AP1M1: variants seen among roughly 807,000 people sequenced by gnomAD.
AP1M1 encodes the protein AP-1 complex subunit mu-1.
A neutral mutation model predicts 57.1 loss-of-function variants in AP1M1; 18 were observed. The observed-to-expected ratio is 0.32, with a 90% CI of 0.22 to 0.47. AP1M1 has a LOEUF of 0.47. Ranked by LOEUF, AP1M1 falls within the 20% of genes least tolerant of loss-of-function variation. The pLI is 1.00. For synonymous variants in AP1M1, 241 were observed against 237.9 expected (o/e 1.01, Z -0.12); for missense variants, 362 against 593.5 (o/e 0.61, Z 4.05).
Position 16,228,105 on chromosome 19 carries a change from G to C in AP1M1, c.817-32G>C. 1 of 1,610,852 alleles carries C rather than the reference G, an allele frequency of 6.2e-7. No homozygotes were observed. Among genetic ancestry groups the C allele is most frequent in the Non-Finnish European group, 8.5e-7 (1 of 1,178,090 alleles). On this transcript the variant is annotated intron_variant, in intron 7 of 11. Transcript: ENST00000291439. The surrounding 1 kb of genome is among the most constrained non-coding windows in gnomAD (Gnocchi z 5.0). ...AATGGGCCTTTGTCAAACAAGGCCA[G>C]GTGTGAGCACCCTCTTTGCCCTCCT...
At position 16,233,610 on chromosome 19, in the gene AP1M1, G is replaced by A. The variant is rs950393126; in HGVS notation, c.1165G>A (p.Gly389Ser). 5 of 1,610,944 alleles carry A rather than the reference G, an allele frequency of 3.1e-6. No homozygotes were observed. The highest frequency in any genetic ancestry group is 2.2e-5 in the South Asian group (2 of 90,404). ...KFEIPYFTTS[G>S]IQVRYLKIIE... ...CGAGATCCCTTACTTCACTACCTCC[G>A]GCATCCAGGTACGTAAGGCCCAGGC... Residue 389 changes from glycine to serine, a missense_variant, in exon 10 of 12, where the codon GGC (glycine) becomes AGC (serine). By Grantham distance (56) the Gly-to-Ser change is moderately conservative. Around this residue, in one of 2 missense-constraint regions of AP1M1, gnomAD observed 25 missense variants for 82.4 expected, o/e 0.30. Transcript: ENST00000291439.
rs2091657270 is a variant in AP1M1, at chr19:16,244,817, A to G, written c.*10382A>G. The G allele has an allele frequency of 6.6e-6, 1 of 151,776 alleles. No homozygotes were observed. Among genetic ancestry groups the G allele is most frequent in the Non-Finnish European group, 1.5e-5 (1 of 68,014 alleles). 9.4% of individuals were successfully genotyped at this position (151,776 alleles called of 1,614,324 possible). ...TGCAGTCCGCAGTCCGGCCTGGGCG[A>G]CAGAGCGAGACTCCGTCTCAAAATA... On this transcript the variant is annotated 3_prime_UTR_variant, in exon 12 of 12. Coordinates refer to ENST00000291439, the MANE Select transcript of AP1M1 (RefSeq NM_032493.4).
chr19:16,208,690 C>T (rs781299292), intron 4 of AP1M1, among the ~76,000 whole-genome samples: 2 of 152,182 alleles, frequency 1.3e-5, no homozygotes, highest in Non-Finnish European at 2.9e-5. Flanking sequence ...CACTCCGAGG[C>T]GTCAGTTCCA....
rs1467424046 is a variant in AP1M1, at chr19:16,197,988, C to G, written c.-39C>G. On this transcript the variant is annotated 5_prime_UTR_variant, in exon 1 of 12. Coordinates refer to ENST00000291439, the MANE Select transcript of AP1M1 (RefSeq NM_032493.4). ...CAGTCCCCACCGTCGCTGCCGCCGC[C>G]ACCGCCCTCGGCCGCTGCCGAGGCC... 9 of 1,545,406 alleles carry G rather than the reference C, an allele frequency of 5.8e-6. No homozygotes were observed. Among genetic ancestry groups the G allele is most frequent in the Non-Finnish European group, 7.8e-6 (9 of 1,148,730 alleles).
intron 5 of AP1M1, 53 bp downstream of exon 5, chr19:16,209,230 A>C (rs947580384): frequency 1.3e-6 from 2 of 1,589,592 alleles, no homozygotes. Flanking sequence ...TCCACGATAG[A>C]AATAAACACA....
In AP1M1 at chr19:16,215,205, GGGGGGGAGA is replaced by G. The variant is rs1568351028; in HGVS notation, c.546+6037_546+6045del. ...TTGGGAGGCTAAGGCGGGGGCGGGG[GGGGGGGAGA>G]GGGGGGAGGGGGGAGGGGAGGGGAT... On this transcript the variant is annotated intron_variant, in intron 5 of 11. Transcript: ENST00000291439. Among the ~76,000 whole-genome samples the G allele has an allele frequency of 2.1e-4, 10 of 46,776 alleles. 1 individual carries two copies. In the East Asian group the frequency reaches 3.2e-3, roughly 15 times the overall value. 30.7% of individuals were successfully genotyped at this position (46,776 alleles called of 152,430 possible).
intron 5 of AP1M1, among the ~76,000 whole-genome samples, chr19:16,219,089 TG>T (rs2091531261): frequency 6.7e-6 from 1 of 149,662 alleles, no homozygotes; most frequent in Non-Finnish European, 1.5e-5. Flanking sequence ...TAATCATGCG[TG>T]GGTGTTGTAT....
chr19:16,208,146 A>G lies in AP1M1; in HGVS notation c.395A>G (p.Gln132Arg), dbSNP rs769470393. ...CAGACCACCGACAGCAAGATCCTGC[A>G]GGAGTGAGTGGGCAGGGGTGGGGCC... ...YPQTTDSKIL[Q>R]EYITQEGHKL... The change falls in exon 4 of 12, where the codon CAG becomes CGG. Residue 132 changes from glutamine to arginine, a missense_variant. Physicochemically the swap from Gln to Arg is conservative, Grantham distance 43 (BLOSUM62 1). Around this residue, in one of 2 missense-constraint regions of AP1M1, gnomAD observed 337 missense variants for 511.1 expected, o/e 0.66. Coordinates refer to ENST00000291439, the MANE Select transcript of AP1M1 (RefSeq NM_032493.4). 36 of 1,612,260 alleles carry G rather than the reference A, an allele frequency of 2.2e-5. No homozygotes were observed. The highest frequency in any genetic ancestry group is 1.6e-4 in the Middle Eastern group (1 of 6,072).
At chr19:16,199,362 T>C (rs2091437986) in intron 1 of AP1M1, among the ~76,000 whole-genome samples, 1 of 152,166 alleles carries the variant, frequency 6.6e-6, no homozygotes, top group African/African-American at 2.4e-5. Context: ...AAGAAGGGAT[T>C]GTCCCCACCT....
chr19:16,220,131 T>C (rs2091537270), intron 5 of AP1M1, among the ~76,000 whole-genome samples: 1 of 152,200 alleles, frequency 6.6e-6, no homozygotes, highest in South Asian at 2.1e-4. Context: ...TCTTTAAACA[T>C]TTGTTAGAAT....
At chr19:16,212,135 CCCT>C (rs1207331240) in intron 5 of AP1M1, among the ~76,000 whole-genome samples, 3 of 152,092 alleles carry the variant, frequency 2.0e-5, no homozygotes, top group Non-Finnish European at 4.4e-5. Flanking sequence ...GGGGAGGAGT[CCCT>C]CCTCCTCCGT....
chr19:16,198,899 C>G (rs2091436154), intron 1 of AP1M1, among the ~76,000 whole-genome samples: 1 of 152,120 alleles, frequency 6.6e-6, no homozygotes, highest in South Asian at 2.1e-4. Context: ...CCTCCGCCTC[C>G]CGGGTTCAAG....
Position 16,234,687 on chromosome 19 carries a change from G to C in AP1M1, c.*252G>C, listed in dbSNP as rs1319374667. The C allele has an allele frequency of 3.4e-6, 2 of 589,186 alleles. No individual in the cohort carries two copies. The highest frequency in any genetic ancestry group is 3.7e-5 in the African/African-American group (2 of 53,690). 36.5% of individuals were successfully genotyped at this position (589,186 alleles called of 1,614,324 possible). A position where few individuals can be genotyped will look rare whatever the true frequency, so the allele number is the denominator to read the frequency against. ...CCCCTGAAGTCAGTTTCAGGGGAAG[G>C]ATGTGAAATTTTTCCGTGTAGAGGT... On this transcript the variant is annotated 3_prime_UTR_variant, in exon 12 of 12. Transcript: ENST00000291439.
At position 16,235,108 on chromosome 19, in the gene AP1M1, C is replaced by T. The variant is rs1173375940; in HGVS notation, c.*673C>T. 1 of 152,430 alleles carries T rather than the reference C, an allele frequency of 6.6e-6. No homozygotes were observed. Among genetic ancestry groups the T allele is most frequent in the Non-Finnish European group, 1.5e-5 (1 of 68,246 alleles). 9.4% of individuals were successfully genotyped at this position (152,430 alleles called of 1,614,324 possible). A position where few individuals can be genotyped will look rare whatever the true frequency, so the allele number is the denominator to read the frequency against. On this transcript the variant is annotated 3_prime_UTR_variant, in exon 12 of 12. Coordinates refer to ENST00000291439, the MANE Select transcript of AP1M1 (RefSeq NM_032493.4). ...GCCTGCTCCCTGGACTCGCAGGCCTCGCCTGTGGCGCCTTCCCAGGGCCAG... is the reference window on the plus strand; with the variant it reads ...GCCTGCTCCCTGGACTCGCAGGCCTTGCCTGTGGCGCCTTCCCAGGGCCAG...
chr19:16,229,577 C>T (rs775972940), intron 9 of AP1M1, among the ~76,000 whole-genome samples: 7 of 152,194 alleles, frequency 4.6e-5, no homozygotes, highest in African/African-American at 1.2e-4. Flanking sequence ...CATGTTCTCC[C>T]CTCTCTCTCC....
intron 5 of AP1M1, among the ~76,000 whole-genome samples, chr19:16,218,238 G>A (rs1258375097): frequency 6.6e-6 from 1 of 152,220 alleles, no homozygotes; most frequent in Admixed American, 6.5e-5. Context: ...TAAAAGTTCT[G>A]TTTATCACCA....
rs934536349 is a variant in AP1M1 at position 16,207,525 on chromosome 19, G to A, written c.268-494G>A. Reference sequence around the variant, plus strand: ...GGCTGTGCCTTTCTGTTTTAGTGACGCTCCTTCCTTCAGCATTTGTGCCTG... The same window carrying A: ...GGCTGTGCCTTTCTGTTTTAGTGACACTCCTTCCTTCAGCATTTGTGCCTG... On this transcript the variant is annotated intron_variant, in intron 3 of 11. Transcript: ENST00000291439. This position sits in a 1 kb window ranked among gnomAD's most constrained non-coding sequence, Gnocchi z 4.2. Among the ~76,000 whole-genome samples the A allele has an allele frequency of 1.3e-5, 2 of 152,178 alleles. No homozygotes were observed. The highest frequency in any genetic ancestry group is 2.1e-4 in the South Asian group (1 of 4,834).
chr19:16,234,177 G>C (rs1376289399), intron 10 of AP1M1, 22 bp from the exon 11 acceptor site: 2 of 1,607,310 alleles, frequency 1.2e-6, no homozygotes, highest in Middle Eastern at 1.8e-4. Context: ...CGGTGCTCAG[G>C]GCCCTGCTAC....
chr19:16,216,847 C>G (rs796781709), intron 5 of AP1M1, among the ~76,000 whole-genome samples: 5 of 152,360 alleles, frequency 3.3e-5, no homozygotes, highest in African/African-American at 1.2e-4. Flanking sequence ...TCACAACACT[C>G]CAATGGGTGG....
Sources: allele counts gnomAD v4.1 joint callset (sites outside exome capture counted in the v4.1 genomes callset), GRCh38; gene constraint gnomAD v4.1.1; regional missense constraint gnomAD v4.1.1; non-coding constraint Gnocchi (gnomAD v3.1); transcripts MANE v1.5; gene names NCBI Gene and HGNC (gene_info 2026-07-23, HGNC 2026-07-21).